PCSK5: variants seen among roughly 807,000 people sequenced by gnomAD.
The protein encoded by PCSK5 is prohormone convertase 5.
PCSK5 carries 129 observed loss-of-function variants against 233.2 expected under a neutral mutation model. The observed-to-expected ratio is 0.55, with a 90% CI of 0.48 to 0.64. The LOEUF (loss-of-function observed/expected upper bound fraction) is 0.64. Among genes scored for constraint, PCSK5 ranks in the 30% least tolerant of loss-of-function variants. The probability of loss-of-function intolerance (pLI) is 0.00; values close to 1 mark genes in which losing one functional copy is unlikely to be tolerated. For missense variants in PCSK5, 2,076 were observed against 2,430.1 expected (o/e 0.85, Z 3.06); for synonymous variants, 825 against 879.2 (o/e 0.94, Z 1.09).
Position 76,338,325 on chromosome 9 carries a change from A to T in PCSK5, c.4844A>T (p.Asp1615Val). 1 of 1,612,604 alleles carries T rather than the reference A, an allele frequency of 6.2e-7. No homozygotes were observed. The highest frequency in any genetic ancestry group is 1.3e-5 in the African/African-American group (1 of 75,018). Residue 1615 changes from aspartate to valine, a missense_variant, in exon 35 of 38, where the codon GAT (aspartate) becomes GTT (valine). Asp to Val is a radical substitution (Grantham distance 152, BLOSUM62 -3). Around this residue, in one of 6 missense-constraint regions of PCSK5, gnomAD observed 1,510 missense variants for 1,538.1 expected, o/e 0.98. Transcript: ENST00000674117. The stretch of plus-strand genomic sequence containing the variant: ...CGGCCCACAGACTGCCTGTCTTGCG[A>T]TAGATTTTTCTTTCTGCTCCGCTCC... The part of the protein sequence containing the change: ...GPRPTDCLSC[D>V]RFFFLLRSKG...
intron 23 of PCSK5, among the ~76,000 whole-genome samples, chr9:76,239,695 CAAA>C (rs61703191): frequency 3.6e-5 from 4 of 111,148 alleles, no homozygotes; most frequent in Admixed American, 8.8e-5. Context: ...GACTCCATCT[CAAA>C]AAAAAAAAAA....
intron 36 of PCSK5, among the ~76,000 whole-genome samples, chr9:76,351,452 GA>G (rs200917232): frequency 0.034 from 855 of 24,954 alleles, 145 homozygotes; most frequent in Middle Eastern, 0.073. Flanking sequence ...AGAAAGGAAA[GA>G]AAGAAAGAAA....
intron 20 of PCSK5, among the ~76,000 whole-genome samples, chr9:76,199,642 C>T (rs1234996284): frequency 2.6e-5 from 4 of 152,042 alleles, no homozygotes; most frequent in African/African-American, 4.8e-5. Flanking sequence ...GGAAGGGCAG[C>T]GTACGGGACT....
chr9:76,179,843 T>C (rs904883090), intron 15 of PCSK5, 145 bp downstream of exon 15: 3 of 604,950 alleles, frequency 5.0e-6, no homozygotes, highest in Non-Finnish European at 5.9e-6. Flanking sequence ...AAGAGGCTGC[T>C]GTGCAGGCCG....
intron 5 of PCSK5, among the ~76,000 whole-genome samples, chr9:76,034,746 C>T (rs1001189586): frequency 1.3e-5 from 2 of 152,130 alleles, no homozygotes; most frequent in Non-Finnish European, 2.9e-5. Flanking sequence ...TAGATGGGGT[C>T]ACATTTGCCA....
intron 3 of PCSK5, among the ~76,000 whole-genome samples, chr9:76,002,044 A>C (rs1214787887): frequency 6.6e-6 from 1 of 152,224 alleles, no homozygotes; most frequent in Non-Finnish European, 1.5e-5. Flanking sequence ...CAAGACATGT[A>C]ATTCCCATAG....
chr9:75,954,576 T>C (rs1459753008), intron 2 of PCSK5, among the ~76,000 whole-genome samples: 1 of 152,230 alleles, frequency 6.6e-6, no homozygotes, highest in Non-Finnish European at 1.5e-5. Context: ...GTTGTTACAA[T>C]GGCAATTTGT....
At chr9:76,009,240 C>CA (rs1268478629) in intron 3 of PCSK5, among the ~76,000 whole-genome samples, 9 of 150,294 alleles carry the variant, frequency 6.0e-5, no homozygotes, top group Non-Finnish European at 1.0e-4. Context: ...GTGAGGATAA[C>CA]AAAAAAAAGG....
chr9:75,999,660 C>T (rs1827181737), intron 3 of PCSK5, among the ~76,000 whole-genome samples: 1 of 152,206 alleles, frequency 6.6e-6, no homozygotes, highest in Admixed American at 6.5e-5. Flanking sequence ...GCCCTCATTC[C>T]CGTAAATCCA....
chr9:76,178,999 G>A (rs1230163527), intron 14 of PCSK5, among the ~76,000 whole-genome samples: 2 of 151,896 alleles, frequency 1.3e-5, no homozygotes, highest in African/African-American at 4.8e-5. Flanking sequence ...AAATTTATAT[G>A]TCATTTTCTT....
intron 2 of PCSK5, among the ~76,000 whole-genome samples, chr9:75,944,327 T>C (rs905750339): frequency 6.6e-6 from 1 of 152,078 alleles, no homozygotes; most frequent in Admixed American, 6.5e-5. Flanking sequence ...GGCTATTGTT[T>C]TATGCAGGAT....
rs766224237 is a variant in PCSK5, at chr9:76,169,812, C to T, written c.1728C>T (p.Pro576=). The change falls in exon 13 of 38, where the codon CCC becomes CCT. Residue 576 remains proline, a synonymous_variant. Coordinates refer to ENST00000674117, the MANE Select transcript of PCSK5 (RefSeq NM_001372043.1). The part of the protein sequence containing the change: ...GDWVLEVYDT[P]SQLRNFKTPG... The stretch of plus-strand genomic sequence containing the variant: ...GGGTCCTTGAAGTTTATGATACTCC[C>T]TCTCAGCTAAGGAACTTTAAGACTC... 1 of 1,613,416 alleles carries T rather than the reference C, an allele frequency of 6.2e-7. No homozygotes were observed.
intron 13 of PCSK5, 25 bp downstream of exon 13, chr9:76,169,865 G>C (rs777666900): frequency 1.6e-5 from 26 of 1,593,152 alleles, no homozygotes; most frequent in Middle Eastern, 1.7e-4. Flanking sequence ...TCTATACATT[G>C]TTCTACTGTG....
At chr9:76,032,893 G>A (rs1828707263) in intron 5 of PCSK5, among the ~76,000 whole-genome samples, 1 of 152,136 alleles carries the variant, frequency 6.6e-6, no homozygotes, top group African/African-American at 2.4e-5. Context: ...ATTATATTTT[G>A]AACGAGCGGT....
At chr9:76,322,818 A>G (rs2131462740) in intron 31 of PCSK5, among the ~76,000 whole-genome samples, 1 of 152,322 alleles carries the variant, frequency 6.6e-6, no homozygotes, top group African/African-American at 2.4e-5. Context: ...CAAAGGGCAG[A>G]CCATTTCATT....
chr9:76,191,404 A>G (rs1418468472), intron 20 of PCSK5, among the ~76,000 whole-genome samples: 1 of 152,160 alleles, frequency 6.6e-6, no homozygotes, highest in African/African-American at 2.4e-5. Flanking sequence ...TGGGCAGGTT[A>G]TGAACTTCTC....
At chr9:75,918,261 C>T (rs570253579) in intron 1 of PCSK5, among the ~76,000 whole-genome samples, 15 of 152,152 alleles carry the variant, frequency 9.9e-5, no homozygotes, top group African/African-American at 3.6e-4. Flanking sequence ...TCAGGATAGA[C>T]GATAATGTGC....
chr9:75,965,239 CTATATATG>C (rs1825524113), intron 2 of PCSK5, among the ~76,000 whole-genome samples: 1 of 145,754 alleles, frequency 6.9e-6, no homozygotes, highest in Non-Finnish European at 1.5e-5. Flanking sequence ...TGTTTACATC[CTATATATG>C]TGTATGTGTG....
At chr9:75,930,613 A>T (rs1823744170) in intron 1 of PCSK5, among the ~76,000 whole-genome samples, 1 of 152,222 alleles carries the variant, frequency 6.6e-6, no homozygotes, top group Admixed American at 6.5e-5. Context: ...TAGGCCATAG[A>T]ACACAGCCAG....
Sources: gnomAD v4.1 joint callset for allele counts (sites outside exome capture counted in the v4.1 genomes callset) on GRCh38, gnomAD v4.1.1 for gene constraint, gnomAD v4.1.1 regional missense constraint, MANE v1.5 for transcripts, NCBI Gene and HGNC (gene_info 2026-07-23, HGNC 2026-07-21) for gene names.